Variants in LPP observed in about 807,000 individuals in gnomAD.
LPP encodes the protein LIM domain containing preferred translocation partner in lipoma, also known as lipoma-preferred partner.
Under a neutral mutation model 60.4 loss-of-function variants are expected in LPP, and 38 were observed. The ratio of observed to expected loss-of-function variants is 0.63; its 90% CI spans 0.49 to 0.83. LPP has a LOEUF of 0.83. LPP is among the 40% of genes least tolerant of loss of function. The pLI is 0.00. For missense variants in LPP, 902 were observed against 783.6 expected, an observed-to-expected ratio of 1.15 and a Z score of -1.80; for synonymous variants, 328 against 290.8, an observed-to-expected ratio of 1.13 and a Z score of -1.30.
intron 6 of LPP, among the ~76,000 whole-genome samples, chr3:188,535,137 C>G (rs1421206353): frequency 6.6e-6 from 1 of 152,142 alleles, no homozygotes; most frequent in Non-Finnish European, 1.5e-5. Context: ...ATTTTGGTCT[C>G]TCTGCTTTGG....
chr3:188,828,066 A>G (rs1404518651), intron 9 of LPP, among the ~76,000 whole-genome samples: 4 of 152,184 alleles, frequency 2.6e-5, no homozygotes, highest in African/African-American at 9.7e-5. Context: ...ATTATTGAGC[A>G]CATACTGTGT....
intron 6 of LPP, among the ~76,000 whole-genome samples, chr3:188,591,652 C>CATA (rs1351666181): frequency 1.3e-5 from 2 of 152,172 alleles, no homozygotes; most frequent in African/African-American, 4.8e-5. Flanking sequence ...TTATGCCCTT[C>CATA]ATAAGCATAT....
intron 3 of LPP, among the ~76,000 whole-genome samples, chr3:188,355,906 T>C (rs1173884713): frequency 6.6e-6 from 1 of 152,208 alleles, no homozygotes; most frequent in Non-Finnish European, 1.5e-5. Context: ...TTGAGTTGCG[T>C]GTCTCCCACA....
intron 7 of LPP, among the ~76,000 whole-genome samples, chr3:188,640,458 T>G (rs1328212369): frequency 2.0e-5 from 3 of 149,960 alleles, no homozygotes; most frequent in Non-Finnish European, 4.4e-5. Context: ...GCATGGCACA[T>G]GTATACGTAT....
At chr3:188,183,955 G>A (rs1725846606) in intron 1 of LPP, among the ~76,000 whole-genome samples, 1 of 152,148 alleles carries the variant, frequency 6.6e-6, no homozygotes, top group Non-Finnish European at 1.5e-5. Context: ...AGTGTGTAAG[G>A]ACCTATGGTA....
At chr3:188,815,155 T>C (rs1437906620) in intron 9 of LPP, among the ~76,000 whole-genome samples, 4 of 152,208 alleles carry the variant, frequency 2.6e-5, no homozygotes, top group African/African-American at 9.6e-5. Flanking sequence ...TTAGTGCCCC[T>C]AACACTTCAC....
intron 6 of LPP, among the ~76,000 whole-genome samples, chr3:188,596,414 G>A (rs1839986699): frequency 6.6e-6 from 1 of 152,068 alleles, no homozygotes; most frequent in Non-Finnish European, 1.5e-5. Flanking sequence ...TGGCAAAAGT[G>A]CTCTCTCCTT....
intron 2 of LPP, among the ~76,000 whole-genome samples, chr3:188,252,560 A>G (rs1032111064): frequency 1.3e-5 from 2 of 152,084 alleles, no homozygotes; most frequent in Non-Finnish European, 2.9e-5. Context: ...CTCTGATGGA[A>G]TGTCCCACTA....
At chr3:188,714,153 C>T (rs16863551) in intron 8 of LPP, among the ~76,000 whole-genome samples, 4,859 of 152,170 alleles carry the variant, frequency 0.032, 126 homozygotes, top group South Asian at 0.089. Context: ...GGAATTTGGC[C>T]TCACTCTTCT....
At position 188,878,765 on chromosome 3, in the gene LPP, A is replaced by T. The variant is rs555293422; in HGVS notation, c.*4286A>T. On this transcript the variant is annotated 3_prime_UTR_variant, in exon 12 of 12. Coordinates refer to ENST00000617246, the MANE Select transcript of LPP (RefSeq NM_001375462.1). ...TCACCAAAAAGTAAAAAAGTAAAAAAAAAAAAAAAAGAAAGAAAGAAAAGA... is the reference window on the plus strand; with the variant it reads ...TCACCAAAAAGTAAAAAAGTAAAAATAAAAAAAAAAGAAAGAAAGAAAAGA... 11,098 of 201,488 alleles carry T rather than the reference A, an allele frequency of 0.055. 364 individuals carry two copies. The highest frequency in any genetic ancestry group is 0.066 in the Non-Finnish European group (6,464 of 97,886). The allele number at this position is 201,488 out of a possible 1,614,324, so 12.5% of individuals were successfully genotyped here. A position where few individuals can be genotyped will look rare whatever the true frequency, so the allele number is the denominator to read the frequency against.
intron 7 of LPP, among the ~76,000 whole-genome samples, chr3:188,684,086 C>A (rs1378951026): frequency 6.6e-6 from 1 of 152,232 alleles, no homozygotes; most frequent in African/African-American, 2.4e-5. Flanking sequence ...GACACATACG[C>A]ATTGGCTGAT....
intron 2 of LPP, among the ~76,000 whole-genome samples, chr3:188,247,423 T>C (rs1727371297): frequency 1.3e-5 from 2 of 152,198 alleles, no homozygotes; most frequent in African/African-American, 2.4e-5. Context: ...TAACATTTAT[T>C]AATAATTTTT....
rs2152068873 is a variant in LPP, at chr3:188,876,157, A to C, written c.*1678A>C. The stretch of plus-strand genomic sequence containing the variant: ...GTTTTTTTTCTAGTTTTTAATTTTA[A>C]CATCAGAACTGAAATAAAAAATTAT... On this transcript the variant is annotated 3_prime_UTR_variant, in exon 12 of 12. Coordinates refer to ENST00000617246, the MANE Select transcript of LPP (RefSeq NM_001375462.1). 1.1e-5 allele frequency: 2 copies of C among 187,932 alleles called. No homozygotes were observed. The highest frequency in any genetic ancestry group is 3.9e-4 in the South Asian group (2 of 5,104). 11.6% of individuals were successfully genotyped at this position (187,932 alleles called of 1,614,324 possible). A position where few individuals can be genotyped will look rare whatever the true frequency, so the allele number is the denominator to read the frequency against.
intron 10 of LPP, among the ~76,000 whole-genome samples, chr3:188,869,535 C>A (rs187454932): frequency 1.3e-5 from 2 of 152,330 alleles, no homozygotes; most frequent in Non-Finnish European, 2.9e-5. Context: ...AGGTGATCCA[C>A]CCGCCTAGGC....
intron 2 of LPP, among the ~76,000 whole-genome samples, chr3:188,240,595 A>C (rs73190777): frequency 6.6e-6 from 1 of 152,174 alleles, no homozygotes; most frequent in Admixed American, 6.5e-5. Context: ...TTGAGTAGTT[A>C]GGATATTAGA....
chr3:188,474,678 TG>T (rs1420173783), intron 4 of LPP, among the ~76,000 whole-genome samples: 1 of 152,244 alleles, frequency 6.6e-6, no homozygotes, highest in African/African-American at 2.4e-5. Context: ...TAAGACTTTT[TG>T]TTGTTGTTTT....
rs1050679907 is a variant in LPP, at chr3:188,346,251, C to CTTTTTTTTTTTTTT, written c.-10+4545_-10+4558dup. ...CAGGGACCTGCCTAAAGTAGCAAAT[C>CTTTTTTTTTTTTTT]TTTTTTTTTTTTTTTTTTTTTTTTT... On this transcript the variant is annotated intron_variant, in intron 3 of 11. Coordinates refer to ENST00000617246, the MANE Select transcript of LPP (RefSeq NM_001375462.1). Among the ~76,000 whole-genome samples the CTTTTTTTTTTTTTT allele has an allele frequency of 1.6e-4, 14 of 88,340 alleles. 2 individuals carry two copies. In the South Asian group the frequency reaches 2.2e-3, roughly 14 times the overall value. The allele number at this position is 88,340 out of a possible 152,430, so 58.0% of individuals were successfully genotyped here. A position where few individuals can be genotyped will look rare whatever the true frequency, so the allele number is the denominator to read the frequency against.
chr3:188,585,056 G>A (rs1291230856), intron 6 of LPP, among the ~76,000 whole-genome samples: 4 of 152,128 alleles, frequency 2.6e-5, no homozygotes, highest in Non-Finnish European at 4.4e-5. Context: ...GCAAGTATTG[G>A]TGAAGTTTGA....
intron 7 of LPP, among the ~76,000 whole-genome samples, chr3:188,620,903 C>T (rs62289960): frequency 0.14 from 21,215 of 152,042 alleles, 1,520 homozygotes; most frequent in South Asian, 0.16. Context: ...TTTCTGTATG[C>T]CTAATATAGT....
Sources: allele counts gnomAD v4.1 joint callset (sites outside exome capture counted in the v4.1 genomes callset), GRCh38; gene constraint gnomAD v4.1.1; transcripts MANE v1.5; gene names NCBI Gene and HGNC (gene_info 2026-07-23, HGNC 2026-07-21).